Variants in PIRT observed in about 807,000 individuals in gnomAD.
PIRT encodes phosphoinositide-interacting protein.
A neutral mutation model predicts 7.9 loss-of-function variants in PIRT; 6 were observed. The ratio of observed to expected loss-of-function variants is 0.76; its 90% CI spans 0.42 to 1.51. PIRT has a LOEUF of 1.51. PIRT is among the 40% of genes most tolerant of loss of function. The pLI is 0.01. For missense variants in PIRT, 170 were observed against 172.9 expected (o/e 0.98, Z 0.09); for synonymous variants, 78 against 71.8 (o/e 1.09, Z -0.44).
intron 1 of PIRT, among the ~76,000 whole-genome samples, chr17:10,827,887 A>G (rs1905371645): frequency 6.6e-6 from 1 of 152,306 alleles, no homozygotes; most frequent in South Asian, 2.1e-4. Context: ...TTTCCTGAGG[A>G]TAGGTTCTGT....
chr17:10,835,190 C>A (rs899349376), intron 1 of PIRT, among the ~76,000 whole-genome samples: 4 of 152,198 alleles, frequency 2.6e-5, no homozygotes, highest in African/African-American at 9.6e-5. Flanking sequence ...CTCCAATGTA[C>A]CTCAGCTGCT....
At chr17:10,829,749 G>A (rs1006409260) in intron 1 of PIRT, among the ~76,000 whole-genome samples, 2 of 152,312 alleles carry the variant, frequency 1.3e-5, no homozygotes. Context: ...ACTACGTGAC[G>A]TGAGAAAGAA....
chr17:10,827,870 T>C (rs1905371316), intron 1 of PIRT, among the ~76,000 whole-genome samples: 1 of 152,206 alleles, frequency 6.6e-6, no homozygotes, highest in Admixed American at 6.5e-5. Flanking sequence ...TGACTGATAT[T>C]AGGTACTTTC....
intron 1 of PIRT, among the ~76,000 whole-genome samples, chr17:10,829,299 G>T (rs1055688637): frequency 6.6e-6 from 1 of 152,212 alleles, no homozygotes; most frequent in Non-Finnish European, 1.5e-5. Flanking sequence ...CTGGGGCTGG[G>T]CAGGGGAAGG....
At position 10,825,012 on chromosome 17, in the gene PIRT, T is replaced by G; in HGVS notation, c.*220A>C. On this transcript the variant is annotated 3_prime_UTR_variant, in exon 2 of 2. Transcript: ENST00000580256. ...ACCAAAGGGAAGGCCACAGCCGGGA[T>G]CCAAGGAAGCATCAGTCAGAATAGA... 1 of 615,006 alleles carries G rather than the reference T, an allele frequency of 1.6e-6. No homozygotes were observed. Among genetic ancestry groups the G allele is most frequent in the Non-Finnish European group, 2.8e-6 (1 of 362,392 alleles). 38.1% of individuals were successfully genotyped at this position (615,006 alleles called of 1,614,324 possible).
In PIRT at chr17:10,825,451, G is replaced by T; in HGVS notation, c.195C>A (p.Ile65=). 6.2e-7 allele frequency: 1 copy of T among 1,613,960 alleles called. No individual in the cohort carries two copies. Among genetic ancestry groups the T allele is most frequent in the Non-Finnish European group, 8.5e-7 (1 of 1,179,862 alleles). ...PIVIMSVGGA[I]LLFGVVITCL... ...AGGTGATGACCACGCCGAAAAGCAG[G>T]ATGGCACCGCCCACTGACATGATAA... Residue 65 remains isoleucine (I), a synonymous_variant, in exon 2 of 2, where the codon ATC becomes ATA. Coordinates refer to ENST00000580256, the MANE Select transcript of PIRT (RefSeq NM_001101387.2).
At chr17:10,837,383 G>A (rs1905616867) in intron 1 of PIRT, among the ~76,000 whole-genome samples, 1 of 152,176 alleles carries the variant, frequency 6.6e-6, no homozygotes, top group Non-Finnish European at 1.5e-5. Context: ...AAACTCCCGA[G>A]GCAGCCAACG....
chr17:10,824,676 G>A lies in PIRT; in HGVS notation c.*556C>T, dbSNP rs1457279865. ...CCATCTTGGAGAGTATTTTTCCCAGGCCTCCCTTCATTGTTCAGTCTTTGG... is the reference window on the plus strand; with the variant it reads ...CCATCTTGGAGAGTATTTTTCCCAGACCTCCCTTCATTGTTCAGTCTTTGG... On this transcript the variant is annotated 3_prime_UTR_variant, in exon 2 of 2. Transcript: ENST00000580256. The A allele has an allele frequency of 1.3e-5, 2 of 153,874 alleles. No homozygotes were observed. Among genetic ancestry groups the A allele is most frequent in the African/African-American group, 4.8e-5 (2 of 41,440 alleles). The allele number at this position is 153,874 out of a possible 1,614,324, so 9.5% of individuals were successfully genotyped here.
At chr17:10,829,294 G>A (rs1258688977) in intron 1 of PIRT, among the ~76,000 whole-genome samples, 1 of 152,220 alleles carries the variant, frequency 6.6e-6, no homozygotes, top group Non-Finnish European at 1.5e-5. Context: ...GATAGCTGGG[G>A]CTGGGCAGGG....
At position 10,823,964 on chromosome 17, in the gene PIRT, C is replaced by T. The variant is rs77391818; in HGVS notation, c.*1268G>A. On this transcript the variant is annotated 3_prime_UTR_variant, in exon 2 of 2. Coordinates refer to ENST00000580256, the MANE Select transcript of PIRT (RefSeq NM_001101387.2). Reference sequence around the variant, plus strand: ...CTTCCCCAAGCTACTCCTGCACACGCATAGCAGCTCCTGCTGCTTCCAATG... The same window carrying T: ...CTTCCCCAAGCTACTCCTGCACACGTATAGCAGCTCCTGCTGCTTCCAATG... 6.6e-6 allele frequency: 1 copy of T among 152,416 alleles called. No individual in the cohort carries two copies. Among genetic ancestry groups the T allele is most frequent in the East Asian group, 1.9e-4 (1 of 5,186 alleles). 9.4% of individuals were successfully genotyped at this position (152,416 alleles called of 1,614,324 possible).
rs1038888215 is a variant in PIRT at position 10,824,318 on chromosome 17, C to G, written c.*914G>C. 1.2e-4 allele frequency: 19 copies of G among 152,178 alleles called. 1 individual carries two copies. Among genetic ancestry groups the G allele is most frequent in the Admixed American group, 1.2e-3 (19 of 15,280 alleles). 9.4% of individuals were successfully genotyped at this position (152,178 alleles called of 1,614,324 possible). On this transcript the variant is annotated 3_prime_UTR_variant, in exon 2 of 2. Coordinates refer to ENST00000580256, the MANE Select transcript of PIRT (RefSeq NM_001101387.2). The stretch of plus-strand genomic sequence containing the variant: ...CATCTCTAGAAACCTACAGATCATT[C>G]AGATATGGAACTTGATTCTCTCAAT...
At chr17:10,830,318 C>T (rs1324407228) in intron 1 of PIRT, among the ~76,000 whole-genome samples, 2 of 152,320 alleles carry the variant, frequency 1.3e-5, no homozygotes, top group South Asian at 2.1e-4. Context: ...TTCACAGTTC[C>T]AGCAAGTCAC....
At chr17:10,831,839 C>T (rs573945021) in intron 1 of PIRT, among the ~76,000 whole-genome samples, 2 of 152,326 alleles carry the variant, frequency 1.3e-5, no homozygotes, top group Non-Finnish European at 2.9e-5. Context: ...CTCCTGGACT[C>T]ACCTCAGATT....
rs886496204 is a variant in PIRT, at chr17:10,824,981, A to G, written c.*251T>C. 2.0e-5 allele frequency: 11 copies of G among 544,562 alleles called. No homozygotes were observed. The African/African-American group carries it at 2.1e-4, about 10-fold the overall frequency. 33.7% of individuals were successfully genotyped at this position (544,562 alleles called of 1,614,324 possible). On this transcript the variant is annotated 3_prime_UTR_variant, in exon 2 of 2. Coordinates refer to ENST00000580256, the MANE Select transcript of PIRT (RefSeq NM_001101387.2). ...TGCCTGGATGCAGGGGCAGGGGGTT[A>G]GAGTGACCAAAGGGAAGGCCACAGC...
chr17:10,825,881 A>G (rs1905302410), intron 1 of PIRT, 98 bp from the exon 2 acceptor site: 1 of 375,098 alleles, frequency 2.7e-6, no homozygotes, highest in South Asian at 1.4e-4. Flanking sequence ...ATATTATAAC[A>G]TTTTATTCAA....
chr17:10,833,924 G>A (rs932756234), intron 1 of PIRT, among the ~76,000 whole-genome samples: 7 of 152,132 alleles, frequency 4.6e-5, no homozygotes, highest in African/African-American at 1.4e-4. Flanking sequence ...GCCACAACGA[G>A]ACATCACCAC....
At chr17:10,834,649 T>C (rs1947407287) in intron 1 of PIRT, among the ~76,000 whole-genome samples, 1 of 152,158 alleles carries the variant, frequency 6.6e-6, no homozygotes, top group African/African-American at 2.4e-5. Context: ...TGGAGAGCAA[T>C]GGCGAGATCT....
intron 1 of PIRT, among the ~76,000 whole-genome samples, chr17:10,837,244 G>A (rs113765990): frequency 1.3e-5 from 2 of 152,350 alleles, no homozygotes; most frequent in South Asian, 2.1e-4. Context: ...AAAATAGCTC[G>A]GGCGATTGCG....
At chr17:10,826,504 T>A (rs759382953) in intron 1 of PIRT, among the ~76,000 whole-genome samples, 5 of 152,258 alleles carry the variant, frequency 3.3e-5, no homozygotes, top group Non-Finnish European at 5.9e-5. Context: ...AGAAGAGTGA[T>A]GCTTTACAGA....
Sources: gnomAD v4.1 joint callset for allele counts (sites outside exome capture counted in the v4.1 genomes callset) on GRCh38, gnomAD v4.1.1 for gene constraint, MANE v1.5 for transcripts, NCBI Gene and HGNC (gene_info 2026-07-23, HGNC 2026-07-21) for gene names.